SEMA6D: variants seen among roughly 807,000 people sequenced by gnomAD.
The protein encoded by SEMA6D is semaphorin-6D.
SEMA6D carries 35 observed loss-of-function variants against 106.6 expected under a neutral mutation model. The observed-to-expected ratio is 0.33, with a 90% CI of 0.25 to 0.44. The LOEUF (loss-of-function observed/expected upper bound fraction) is 0.44. Ranked by LOEUF, SEMA6D falls within the 20% of genes least tolerant of loss-of-function variation. The pLI is 1.00. For synonymous variants in SEMA6D, 499 were observed against 487.7 expected, an observed-to-expected ratio of 1.02 and a Z score of -0.31; for missense variants, 1,185 against 1,345.9, an observed-to-expected ratio of 0.88 and a Z score of 1.87.
intron 3 of SEMA6D, among the ~76,000 whole-genome samples, chr15:47,519,605 T>C (rs1241637024): frequency 6.6e-6 from 1 of 152,144 alleles, no homozygotes; most frequent in East Asian, 1.9e-4. Context: ...CAAAGTGCCA[T>C]TTACAAAACT....
At chr15:47,200,867 A>G (rs370122861) in intron 1 of SEMA6D, among the ~76,000 whole-genome samples, 2 of 152,344 alleles carry the variant, frequency 1.3e-5, no homozygotes, top group East Asian at 3.9e-4. Flanking sequence ...TGACAAAATC[A>G]TTCTTCATTG....
intron 1 of SEMA6D, among the ~76,000 whole-genome samples, chr15:47,228,262 T>A (rs942624032): frequency 6.6e-6 from 1 of 151,558 alleles, no homozygotes; most frequent in Admixed American, 6.6e-5. Flanking sequence ...GTAGATCAGC[T>A]GCTTTACCAG....
At chr15:47,477,980 T>C (rs971309979) in intron 3 of SEMA6D, among the ~76,000 whole-genome samples, 10 of 152,180 alleles carry the variant, frequency 6.6e-5, no homozygotes, top group Non-Finnish European at 1.5e-4. Context: ...GTTCCATCAA[T>C]AAACTCTTCA....
intron 1 of SEMA6D, chr15:47,274,396 G>T (rs2034705845): frequency 6.6e-6 from 1 of 152,036 alleles, no homozygotes; most frequent in African/African-American, 2.4e-5. Flanking sequence ...ATGAAATTTT[G>T]GTTCACTTGC....
At chr15:47,331,591 A>G (rs577298243) in intron 1 of SEMA6D, among the ~76,000 whole-genome samples, 1 of 152,280 alleles carries the variant, frequency 6.6e-6, no homozygotes, top group East Asian at 1.9e-4. Flanking sequence ...ATGCATAAAC[A>G]TGTGGGTGTG....
intron 1 of SEMA6D, among the ~76,000 whole-genome samples, chr15:47,348,750 A>AGAGC (rs1398678553): frequency 3.4e-5 from 5 of 147,766 alleles, no homozygotes; most frequent in African/African-American, 9.9e-5. Context: ...AGAGAGAGAG[A>AGAGC]GAGAGAGAGA....
At chr15:47,592,048 G>T (rs2076449222) in intron 3 of SEMA6D, among the ~76,000 whole-genome samples, 1 of 152,172 alleles carries the variant, frequency 6.6e-6, no homozygotes, top group Non-Finnish European at 1.5e-5. Context: ...GTTTCCTGCT[G>T]TCAGTGGCAT....
intron 1 of SEMA6D, among the ~76,000 whole-genome samples, chr15:47,353,668 G>C (rs2038420720): frequency 6.6e-6 from 1 of 152,028 alleles, no homozygotes; most frequent in African/African-American, 2.4e-5. Context: ...AAGATAAACT[G>C]CTGGAGCCTG....
intron 1 of SEMA6D, among the ~76,000 whole-genome samples, chr15:47,756,202 G>A (rs2081722307): frequency 6.6e-6 from 1 of 152,160 alleles, no homozygotes; most frequent in Non-Finnish European, 1.5e-5. Context: ...TGAGGAAGAT[G>A]GTTTCCTCTT....
chr15:47,298,254 A>G (rs1448954341), intron 1 of SEMA6D, among the ~76,000 whole-genome samples: 3 of 151,916 alleles, frequency 2.0e-5, no homozygotes, highest in Non-Finnish European at 4.4e-5. Flanking sequence ...AGCCCTGTGG[A>G]GCTCCCAGGT....
intron 1 of SEMA6D, among the ~76,000 whole-genome samples, chr15:47,215,750 T>C (rs2030530709): frequency 1.3e-5 from 2 of 152,180 alleles, no homozygotes; most frequent in South Asian, 2.1e-4. Context: ...TCTAAACAAA[T>C]CTTGCTCACC....
intron 4 of SEMA6D, among the ~76,000 whole-genome samples, chr15:47,608,251 A>G (rs1205110310): frequency 2.0e-5 from 3 of 152,208 alleles, no homozygotes; most frequent in Non-Finnish European, 2.9e-5. Context: ...TTACTGATTC[A>G]TAAACTTCTT....
chr15:47,550,200 T>G (rs1379954874), intron 3 of SEMA6D, among the ~76,000 whole-genome samples: 2 of 152,186 alleles, frequency 1.3e-5, no homozygotes, highest in Non-Finnish European at 2.9e-5. Flanking sequence ...TTCCTTTACT[T>G]CCAAGTTTTG....
chr15:47,493,985 A>G (rs1596146297), intron 3 of SEMA6D, among the ~76,000 whole-genome samples: 1 of 152,160 alleles, frequency 6.6e-6, no homozygotes, highest in Admixed American at 6.5e-5. Flanking sequence ...GAAAACTTCA[A>G]CAAGGCAAAG....
At chr15:47,586,983 G>T (rs1414713274) in intron 3 of SEMA6D, among the ~76,000 whole-genome samples, 1 of 149,610 alleles carries the variant, frequency 6.7e-6, no homozygotes, top group Admixed American at 6.8e-5. Flanking sequence ...GCTGCCAAAG[G>T]GTAGGCTAGA....
In SEMA6D at chr15:47,227,554, G is replaced by GTCTC. The variant is rs375441155; in HGVS notation, c.-239+43149_-239+43152dup. ...CTCTTTCTCCTCTTTCTCTCTCTCT[G>GTCTC]TCTCTCTCTCTCTCTCACACACACA... On this transcript the variant is annotated intron_variant, in intron 1 of 19. Coordinates refer to the SEMA6D transcript ENST00000558014. Among the ~76,000 whole-genome samples the GTCTC allele has an allele frequency of 1.3e-3, 172 of 134,912 alleles. 2 individuals are homozygous for GTCTC. The South Asian group carries it at 0.016, about 12-fold the overall frequency. 88.5% of individuals were successfully genotyped at this position (134,912 alleles called of 152,430 possible). A position where few individuals can be genotyped will look rare whatever the true frequency, so the allele number is the denominator to read the frequency against.
At chr15:47,263,206 TTAAAC>T (rs1203522734) in intron 1 of SEMA6D, among the ~76,000 whole-genome samples, 3 of 152,096 alleles carry the variant, frequency 2.0e-5, no homozygotes, top group South Asian at 4.1e-4. Flanking sequence ...TGGATTCTAA[TTAAAC>T]TAAACAGCCT....
intron 4 of SEMA6D, among the ~76,000 whole-genome samples, chr15:47,640,387 A>G (rs2077466805): frequency 6.6e-6 from 1 of 152,164 alleles, no homozygotes; most frequent in African/African-American, 2.4e-5. Flanking sequence ...AATCTTCAAA[A>G]TCTTGCTTGC....
intron 2 of SEMA6D, among the ~76,000 whole-genome samples, chr15:47,452,222 A>G (rs2042215307): frequency 2.0e-5 from 3 of 152,084 alleles, no homozygotes; most frequent in Admixed American, 6.6e-5. Context: ...AGGCAAATCA[A>G]TAATTTTGTT....
Sources: allele counts gnomAD v4.1 joint callset (sites outside exome capture counted in the v4.1 genomes callset), GRCh38; gene constraint gnomAD v4.1.1; transcripts MANE v1.5; gene names NCBI Gene and HGNC (gene_info 2026-07-23, HGNC 2026-07-21).